The following ZNF320 variants were observed in gnomAD, a reference collection of about 807,000 sequenced individuals.
ZNF320 encodes the protein zinc finger gene 320.
In ZNF320, 2 loss-of-function variants were observed where a neutral mutation model predicts 6.8. That is an observed-to-expected ratio of 0.29 (90% CI 0.12 to 0.93). The LOEUF (loss-of-function observed/expected upper bound fraction) is 0.93, where lower values mean the gene tolerates loss of function less well. Ranked by LOEUF, ZNF320 falls within the 40% of genes least tolerant of loss-of-function variation. The probability of loss-of-function intolerance (pLI) is 0.55; values close to 1 mark genes in which losing one functional copy is unlikely to be tolerated. For missense variants in ZNF320, 472 were observed against 611.0 expected, an observed-to-expected ratio of 0.77 and a Z score of 2.40; for synonymous variants, 208 against 203.2, an observed-to-expected ratio of 1.02 and a Z score of -0.20.
chr19:52,898,325 GCTTAAACACAGCAGGGATGTGGGCGAGGT>G (rs1568735794), upstream of ZNF320, among the ~76,000 whole-genome samples: 1 of 152,128 alleles, frequency 6.6e-6, no homozygotes, highest in Non-Finnish European at 1.5e-5. Flanking sequence ...ACCACCTCCT[GCTTAAACACAGCAGGGATGTGGGCGAGGT>G]GGCGAGTCTG....
At chr19:52,871,713 T>C (rs977698797), downstream of ZNF320, among the ~76,000 whole-genome samples, 5 of 152,100 alleles carry the variant, frequency 3.3e-5, no homozygotes, top group Admixed American at 3.3e-4. Flanking sequence ...TGTGCACACA[T>C]AGCTCTAGGT....
Position 52,881,391 on chromosome 19 carries a change from A to G in ZNF320, c.735T>C (p.Tyr245=), listed in dbSNP as rs1054452818. The change falls in exon 6 of 6, where the codon TAT becomes TAC. Residue 245 remains tyrosine (Y), a synonymous_variant. Transcript: ENST00000682928. ...AGGTCTTGCCACACTCATTACACTTATAAGGTTTCTCTCCAGTATGACTTC... is the reference window on the plus strand; with the variant it reads ...AGGTCTTGCCACACTCATTACACTTGTAAGGTTTCTCTCCAGTATGACTTC... ...HHRSHTGEKP[Y]KCNECGKTFS... 1.2e-6 allele frequency: 2 copies of G among 1,613,034 alleles called. No homozygotes were observed. The highest frequency in any genetic ancestry group is 1.7e-6 in the Non-Finnish European group (2 of 1,179,688).
At chr19:52,903,465 T>G in the ZNF320 span, among the ~76,000 whole-genome samples, 2 of 152,112 alleles carry the variant, frequency 1.3e-5, no homozygotes, top group East Asian at 1.9e-4. Flanking sequence ...ACTGTCTGTG[T>G]ACTGAAACTG....
exon 6 of ZNF320, among the ~76,000 whole-genome samples, chr19:52,860,983 C>T (rs1362743431): frequency 1.3e-5 from 2 of 150,428 alleles, no homozygotes; most frequent in African/African-American, 2.5e-5. Flanking sequence ...TTAGTCTGGG[C>T]GACAGAGTGA....
chr19:52,888,768 T>C (rs67564867), intron 4 of ZNF320, among the ~76,000 whole-genome samples: 23,864 of 152,072 alleles, frequency 0.16, 1,981 homozygotes, highest in East Asian at 0.27. Flanking sequence ...TGTCCCAGAT[T>C]TTCAAAATAT....
rs564925014 is a variant in ZNF320 at position 52,881,447 on chromosome 19, C to G, written c.679G>C (p.Asp227His). 3.6e-5 allele frequency: 58 copies of G among 1,612,290 alleles called. No individual in the cohort carries two copies. The East Asian group carries it at 1.3e-3, about 35-fold the overall frequency. ...YTCNECGKVFDQKATLACHHR... is the reference protein window; with the variant it reads ...YTCNECGKVFHQKATLACHHR... ...TGACATGCAAGGGTTGCTTTTTGAT[C>G]AAAAACCTTGCCACATTCATTACAT... The change falls in exon 6 of 6, where the codon GAT becomes CAT. Residue 227 changes from aspartate (D) to histidine (H), a missense_variant. Physicochemically the swap from Asp to His is moderately conservative, Grantham distance 81 (BLOSUM62 -1). Transcript: ENST00000682928.
At chr19:52,875,365 G>A (rs1235789695), downstream of ZNF320, among the ~76,000 whole-genome samples, 2 of 152,158 alleles carry the variant, frequency 1.3e-5, no homozygotes, top group Non-Finnish European at 2.9e-5. Context: ...GCCTGCAGGG[G>A]ACATGGGTAG....
downstream of ZNF320, among the ~76,000 whole-genome samples, chr19:52,872,810 A>G (rs577752859): frequency 5.3e-5 from 8 of 152,240 alleles, no homozygotes; most frequent in African/African-American, 1.9e-4. Context: ...CTCTCTCAGT[A>G]TTTATTGATC....
At chr19:52,865,434 TTATATA>T (rs1555814106) in intron 5 of ZNF320, 3 of 152,764 alleles carry the variant, frequency 2.0e-5, no homozygotes, top group South Asian at 1.9e-4. Context: ...GGTCCAGGCT[TTATATA>T]TATATATATA....
Position 52,879,226 on chromosome 19 carries a change from T to C in ZNF320, c.*1370A>G, listed in dbSNP as rs2063843921. 1 of 152,284 alleles carries C rather than the reference T, an allele frequency of 6.6e-6. No individual in the cohort carries two copies. The highest frequency in any genetic ancestry group is 1.9e-4 in the East Asian group (1 of 5,206). The allele number at this position is 152,284 out of a possible 1,614,324, so 9.4% of individuals were successfully genotyped here. On this transcript the variant is annotated 3_prime_UTR_variant, in exon 6 of 6. Transcript: ENST00000682928. Reference sequence around the variant, plus strand: ...CTGAAGACCCCTTGTACTAGCGAACTGTATTCAAGAGGTTATAAAAAGGAT... The same window carrying C: ...CTGAAGACCCCTTGTACTAGCGAACCGTATTCAAGAGGTTATAAAAAGGAT...
chr19:52,890,377 T>C, intron 3 of ZNF320, 49 bp from the exon 4 acceptor site: 1 of 1,358,058 alleles, frequency 7.4e-7, no homozygotes, highest in African/African-American at 1.4e-5. Flanking sequence ...ACACACCCCC[T>C]CCCCATAACA....
intron 2 of ZNF320, chr19:52,891,951 C>A (rs2064307482): frequency 6.6e-6 from 1 of 152,216 alleles, no homozygotes; most frequent in Non-Finnish European, 1.5e-5. Context: ...CATACCTGGG[C>A]TAAAGAAACT....
At chr19:52,860,262 C>T (rs756947498), downstream of ZNF320, among the ~76,000 whole-genome samples, 5 of 151,962 alleles carry the variant, frequency 3.3e-5, no homozygotes, top group Non-Finnish European at 5.9e-5. Flanking sequence ...GTCTACCTGC[C>T]GGTCTGCTGA....
At chr19:52,891,139 A>C (rs2064276370) in intron 3 of ZNF320, 90 bp downstream of exon 3, 1 of 152,156 alleles carries the variant, frequency 6.6e-6, no homozygotes, top group Non-Finnish European at 1.5e-5. Flanking sequence ...ACAGAGTAAG[A>C]CTTAAAAATA....
chr19:52,892,934 C>CTGTT lies in ZNF320; in HGVS notation c.-192+844_-192+845insAACA, dbSNP rs2064353965. 3.3e-5 allele frequency among the ~76,000 whole-genome samples: 5 copies of CTGTT among 151,916 alleles called. No homozygotes were observed. The South Asian group carries it at 1.0e-3, about 32-fold the overall frequency. On this transcript the variant is annotated intron_variant, in intron 2 of 5. Coordinates refer to ENST00000682928, the MANE Select transcript of ZNF320 (RefSeq NM_001351774.2). ...GCTGTCCCTCTCCCTACCTTGCTGT[C>CTGTT]CTTCATCTCTCTGTACATCTAGCTT...
intron 5 of ZNF320, among the ~76,000 whole-genome samples, chr19:52,870,477 C>CAAAAAAA (rs35010241): frequency 1.1e-5 from 1 of 89,474 alleles, no homozygotes; most frequent in Non-Finnish European, 2.2e-5. Context: ...GACTCCGTCT[C>CAAAAAAA]AAAAAAAAAA....
downstream of ZNF320, chr19:52,874,064 A>G: frequency 2.4e-6 from 1 of 409,942 alleles, no homozygotes; most frequent in Non-Finnish European, 4.8e-6. Context: ...AAGTCTCTGG[A>G]AATCAATCCT....
At chr19:52,891,530 G>A (rs1201018720) in intron 2 of ZNF320, among the ~76,000 whole-genome samples, 184 bp from the exon 3 acceptor site, 1 of 152,176 alleles carries the variant, frequency 6.6e-6, no homozygotes, top group East Asian at 1.9e-4. Context: ...TAGGGACATA[G>A]GGTAAGAACG....
chr19:52,863,348 C>A (rs2063497264), exon 6 of ZNF320, among the ~76,000 whole-genome samples: 1 of 152,076 alleles, frequency 6.6e-6, no homozygotes, highest in African/African-American at 2.4e-5. Flanking sequence ...CCTGTAATCC[C>A]AGCACTTTGG....
Sources: allele counts gnomAD v4.1 joint callset (sites outside exome capture counted in the v4.1 genomes callset), GRCh38; gene constraint gnomAD v4.1.1; transcripts MANE v1.5; gene names NCBI Gene and HGNC (gene_info 2026-07-23, HGNC 2026-07-21).